Variants in KCNAB1 observed in about 807,000 individuals in gnomAD.
KCNAB1 encodes potassium voltage-gated channel subfamily A regulatory beta subunit 1, also known as voltage-gated potassium channel subunit beta-1.
In KCNAB1, 35 loss-of-function variants were observed where a neutral mutation model predicts 64.6. That is an observed-to-expected ratio of 0.54 (90% confidence interval 0.41 to 0.72). KCNAB1 has a LOEUF of 0.72. Ranked by LOEUF, KCNAB1 falls within the 30% of genes least tolerant of loss-of-function variation. The pLI is 0.00. For synonymous variants in KCNAB1, 177 were observed against 183.8 expected (o/e 0.96, Z 0.30); for missense variants, 401 against 512.9 (o/e 0.78, Z 2.11).
chr3:156,521,465 T>C (rs1006223701), intron 11 of KCNAB1, among the ~76,000 whole-genome samples: 3 of 152,186 alleles, frequency 2.0e-5, no homozygotes, highest in Non-Finnish European at 4.4e-5. Flanking sequence ...TTGCCAGCCA[T>C]AAGTGTCAGA....
At chr3:156,167,875 G>T (rs1444091457) in intron 1 of KCNAB1, among the ~76,000 whole-genome samples, 2 of 152,170 alleles carry the variant, frequency 1.3e-5, no homozygotes, top group African/African-American at 2.4e-5. Flanking sequence ...AATGAGAGGG[G>T]TTGGACAGAA....
chr3:156,393,079 G>T (rs1390777936), intron 1 of KCNAB1, among the ~76,000 whole-genome samples: 2 of 152,092 alleles, frequency 1.3e-5, no homozygotes, highest in East Asian at 3.8e-4. Flanking sequence ...AGCCATTTAG[G>T]CCTGGAATTT....
chr3:156,200,840 C>T (rs527697422), intron 1 of KCNAB1, among the ~76,000 whole-genome samples: 2 of 152,296 alleles, frequency 1.3e-5, no homozygotes, highest in South Asian at 4.2e-4. Context: ...TGCTATGGTT[C>T]CAGGTGCCAC....
intron 13 of KCNAB1, among the ~76,000 whole-genome samples, chr3:156,534,632 T>C (rs552753041): frequency 4.6e-5 from 7 of 152,254 alleles, no homozygotes; most frequent in Non-Finnish European, 8.8e-5. Context: ...AACTGACCAC[T>C]ATCCCAGCCT....
intron 2 of KCNAB1, among the ~76,000 whole-genome samples, chr3:156,440,472 T>C (rs1365913990): frequency 6.6e-6 from 1 of 152,224 alleles, no homozygotes; most frequent in Non-Finnish European, 1.5e-5. Context: ...AATTAATTTA[T>C]AGTCTATCAT....
chr3:156,293,899 G>A (rs1337897667), intron 1 of KCNAB1, among the ~76,000 whole-genome samples: 1 of 152,204 alleles, frequency 6.6e-6, no homozygotes, highest in African/African-American at 2.4e-5. Context: ...GCTTTCCTGG[G>A]CAAGGTCCCC....
At chr3:156,312,731 A>AAAAAAAAAAAAACAAAAAAC (rs1722007557) in intron 1 of KCNAB1, among the ~76,000 whole-genome samples, 1 of 144,526 alleles carries the variant, frequency 6.9e-6, no homozygotes, top group African/African-American at 2.7e-5. Flanking sequence ...AAAAAAAAAA[A>AAAAAAAAAAAAACAAAAAAC]CTCATAATAA....
rs534322077 is a variant in KCNAB1 at position 156,442,768 on chromosome 3, C to A, written c.320-10131C>A. 3.9e-5 allele frequency among the ~76,000 whole-genome samples: 6 copies of A among 152,290 alleles called. No individual in the cohort carries two copies. In the South Asian group the frequency reaches 1.2e-3, roughly 32 times the overall value. ...AGCTGCAGACAGCCTGCCCTAGGAT[C>A]CCTTCAACAGCAATCACATCTCATT... On this transcript the variant is annotated intron_variant, in intron 2 of 13. Transcript: ENST00000490337.
chr3:156,182,976 G>A (rs1379953485), intron 1 of KCNAB1, among the ~76,000 whole-genome samples: 1 of 152,168 alleles, frequency 6.6e-6, no homozygotes, highest in African/African-American at 2.4e-5. Flanking sequence ...GGGATTACAG[G>A]AGAGAGCCAC....
chr3:156,488,675 T>C (rs1715395205), intron 8 of KCNAB1, among the ~76,000 whole-genome samples: 2 of 152,100 alleles, frequency 1.3e-5, no homozygotes, highest in African/African-American at 4.8e-5. Context: ...GAATACGTTA[T>C]AGGGGCAGCC....
intron 13 of KCNAB1, among the ~76,000 whole-genome samples, chr3:156,534,777 C>T (rs1243643105): frequency 6.6e-6 from 1 of 152,170 alleles, no homozygotes. Context: ...GGCAGTGTAA[C>T]ATCAAGTTTG....
At chr3:156,337,244 G>A (rs780465113) in intron 1 of KCNAB1, among the ~76,000 whole-genome samples, 1 of 152,196 alleles carries the variant, frequency 6.6e-6, no homozygotes, top group Admixed American at 6.5e-5. Flanking sequence ...AAGTTGGGGC[G>A]GGTTGGAGTG....
intron 1 of KCNAB1, among the ~76,000 whole-genome samples, chr3:156,239,836 A>C (rs1234993079): frequency 6.6e-6 from 1 of 152,202 alleles, no homozygotes; most frequent in African/African-American, 2.4e-5. Context: ...CCTGTACCCC[A>C]AATCCATGAA....
At chr3:156,354,512 C>A (rs1043224726) in intron 1 of KCNAB1, among the ~76,000 whole-genome samples, 1 of 151,908 alleles carries the variant, frequency 6.6e-6, no homozygotes, top group Non-Finnish European at 1.5e-5. Context: ...CCGAACACAG[C>A]AAATTAAAAA....
chr3:156,310,147 C>T (rs1721793520), intron 1 of KCNAB1, among the ~76,000 whole-genome samples: 1 of 152,114 alleles, frequency 6.6e-6, no homozygotes, highest in African/African-American at 2.4e-5. Flanking sequence ...GTCTTTCTCC[C>T]CTCACTAATC....
intron 1 of KCNAB1, among the ~76,000 whole-genome samples, chr3:156,136,646 C>T (rs752271767): frequency 2.0e-5 from 3 of 152,244 alleles, no homozygotes; most frequent in Non-Finnish European, 2.9e-5. Flanking sequence ...ATCCTTTCGA[C>T]GCCGCTCACC....
chr3:156,474,498 C>G (rs1714188351), intron 7 of KCNAB1, among the ~76,000 whole-genome samples: 1 of 152,130 alleles, frequency 6.6e-6, no homozygotes, highest in Admixed American at 6.5e-5. Flanking sequence ...GTATATTTTC[C>G]TGTGAGAGTG....
At chr3:156,275,405 T>C (rs935095836) in intron 1 of KCNAB1, among the ~76,000 whole-genome samples, 1 of 152,194 alleles carries the variant, frequency 6.6e-6, no homozygotes, top group Non-Finnish European at 1.5e-5. Flanking sequence ...AGAATGGTGG[T>C]TGCTGAAGGA....
chr3:156,268,404 G>C (rs1293264826), intron 1 of KCNAB1, among the ~76,000 whole-genome samples: 1 of 152,122 alleles, frequency 6.6e-6, no homozygotes, highest in South Asian at 2.1e-4. Context: ...GGAATTGCTG[G>C]ATCATATAGT....
Sources: gnomAD v4.1 joint callset for allele counts (sites outside exome capture counted in the v4.1 genomes callset) on GRCh38, gnomAD v4.1.1 for gene constraint, MANE v1.5 for transcripts, NCBI Gene and HGNC (gene_info 2026-07-23, HGNC 2026-07-21) for gene names.